The following SPDYE10 variants were observed in gnomAD, a reference collection of about 807,000 sequenced individuals.
The protein encoded by SPDYE10 is speedy/RINGO cell cycle regulator family member E10.
chr7:73,123,900 G>C, the SPDYE10 span, among the ~76,000 whole-genome samples: 6 of 149,796 alleles, frequency 4.0e-5, no homozygotes, highest in African/African-American at 1.5e-4. Context: ...TGGGACTACA[G>C]GTGCACACAA....
the SPDYE10 span, among the ~76,000 whole-genome samples, chr7:73,150,930 ATATATATATATATATATATTT>A: frequency 2.7e-4 from 6 of 22,442 alleles, no homozygotes; most frequent in African/African-American, 1.3e-3. Context: ...ATATATATAT[ATATATATATATATATATATTT>A]TTTTTTTTTT....
chr7:73,143,346 C>T, the SPDYE10 span, among the ~76,000 whole-genome samples: 12 of 151,716 alleles, frequency 7.9e-5, no homozygotes, highest in South Asian at 2.1e-4. Flanking sequence ...TAGTGAGGAC[C>T]GCAGGAAGCT....
chr7:73,134,506 A>G, the SPDYE10 span, among the ~76,000 whole-genome samples: 3 of 85,806 alleles, frequency 3.5e-5, no homozygotes, highest in South Asian at 5.1e-4. Flanking sequence ...TGTACCCTAC[A>G]ACTTAAAGTA....
chr7:73,123,788 CCTCTCTCTCTCTCTCT>C, the SPDYE10 span, among the ~76,000 whole-genome samples: 192 of 97,426 alleles, frequency 2.0e-3, no homozygotes, highest in Middle Eastern at 7.9e-3. Context: ...TCTCTCTCTC[CCTCTCTCTCTCTCTCT>C]CTCTCTCTCT....
the SPDYE10 span, among the ~76,000 whole-genome samples, chr7:73,150,948 A>ATATATATT: frequency 1.2e-3 from 6 of 4,940 alleles, 2 homozygotes; most frequent in African/African-American, 2.7e-3. Context: ...ATATATATAT[A>ATATATATT]TTTTTTTTTT....
the SPDYE10 span, among the ~76,000 whole-genome samples, chr7:73,142,664 CA>C: frequency 6.6e-6 from 1 of 152,100 alleles, no homozygotes; most frequent in African/African-American, 2.4e-5. Flanking sequence ...GGGCCAGGCA[CA>C]GTGGCTGATG....
chr7:73,137,932 G>A, the SPDYE10 span, among the ~76,000 whole-genome samples: 2 of 142,828 alleles, frequency 1.4e-5, no homozygotes, highest in Non-Finnish European at 3.1e-5. Flanking sequence ...GGGAGGGGAA[G>A]GGAAGGGGAA....
chr7:73,134,557 G>GAAAGAAAGAA, the SPDYE10 span, among the ~76,000 whole-genome samples: 1 of 152,118 alleles, frequency 6.6e-6, no homozygotes, highest in Admixed American at 6.5e-5. Flanking sequence ...AAGAAAGAAA[G>GAAAGAAAGAA]AAAGAAAGAA....
chr7:73,145,002 G>T, the SPDYE10 span, among the ~76,000 whole-genome samples: 1 of 52,386 alleles, frequency 1.9e-5, no homozygotes, highest in Admixed American at 2.4e-4. Context: ...GTGAGGCTTC[G>T]TCTCAAAAAA....
the SPDYE10 span, among the ~76,000 whole-genome samples, chr7:73,132,567 T>A: frequency 1.3e-3 from 119 of 89,970 alleles, no homozygotes; most frequent in Non-Finnish European, 2.1e-3. Context: ...AAAAAAAAAA[T>A]AGATCTGAGG....
chr7:73,115,414 T>C, the SPDYE10 span, among the ~76,000 whole-genome samples: 16 of 151,864 alleles, frequency 1.1e-4, no homozygotes, highest in South Asian at 3.3e-3. Context: ...CCCCTGGCCC[T>C]GCTGACACCT....
At chr7:73,132,712 C>T in the SPDYE10 span, among the ~76,000 whole-genome samples, 2 of 151,560 alleles carry the variant, frequency 1.3e-5, no homozygotes, top group Non-Finnish European at 2.9e-5. Flanking sequence ...TAAAGTGCTT[C>T]GTTATCTCAT....
the SPDYE10 span, among the ~76,000 whole-genome samples, chr7:73,137,312 G>A: frequency 3.9e-4 from 59 of 150,556 alleles, no homozygotes; most frequent in Admixed American, 2.9e-3. Flanking sequence ...TCAGGAGATT[G>A]AGACCATCCT....
At chr7:73,151,998 G>A in the SPDYE10 span, among the ~76,000 whole-genome samples, 93 of 151,296 alleles carry the variant, frequency 6.1e-4, no homozygotes, top group African/African-American at 2.2e-3. Context: ...TTTTTTTATT[G>A]TTGTTGTTTT....
chr7:73,137,628 A>AAGAAAGG, the SPDYE10 span, among the ~76,000 whole-genome samples: 4 of 132,230 alleles, frequency 3.0e-5, no homozygotes, highest in East Asian at 8.5e-4. Context: ...GAAAGAAAGA[A>AAGAAAGG]AGAAAGAAAG....
At chr7:73,134,904 T>C in the SPDYE10 span, among the ~76,000 whole-genome samples, 1 of 151,760 alleles carries the variant, frequency 6.6e-6, no homozygotes, top group Non-Finnish European at 1.5e-5. Context: ...AAAAAAAAAA[T>C]GCTGAAAGGG....
At chr7:73,127,329 T>G in the SPDYE10 span, among the ~76,000 whole-genome samples, 144 of 91,638 alleles carry the variant, frequency 1.6e-3, no homozygotes, top group South Asian at 4.6e-3. Flanking sequence ...TGTGGGCAGA[T>G]CAGCAGAGGT....
At chr7:73,135,058 A>G in the SPDYE10 span, among the ~76,000 whole-genome samples, 105 of 152,322 alleles carry the variant, frequency 6.9e-4, no homozygotes, top group Non-Finnish European at 1.2e-3. Flanking sequence ...CATCCTCACC[A>G]TGGTGCCTAG....
the SPDYE10 span, among the ~76,000 whole-genome samples, chr7:73,130,523 T>C: frequency 1.3e-5 from 2 of 152,308 alleles, no homozygotes; most frequent in Admixed American, 1.3e-4. Context: ...AGTGGCACAA[T>C]CTTGGCTCAT....
Sources: allele counts gnomAD v4.1 joint callset (sites outside exome capture counted in the v4.1 genomes callset), GRCh38; gene constraint gnomAD v4.1.1; transcripts MANE v1.5; gene names NCBI Gene and HGNC (gene_info 2026-07-23, HGNC 2026-07-21).